The following CTNNA3 variants were observed in gnomAD, a reference collection of about 807,000 sequenced individuals.
CTNNA3 encodes the protein catenin alpha 3.
CTNNA3 carries 76 observed loss-of-function variants against 95.7 expected under a neutral mutation model. The ratio of observed to expected loss-of-function variants is 0.79; its 90% CI spans 0.66 to 0.96. CTNNA3 has a LOEUF of 0.96. CTNNA3 is among the 40% of genes least tolerant of loss of function. CTNNA3 has a pLI of 0.00. For missense variants in CTNNA3, 1,191 were observed against 1,089.8 expected (o/e 1.09, Z -1.31); for synonymous variants, 431 against 374.4 (o/e 1.15, Z -1.74).
intron 1 of CTNNA3, among the ~76,000 whole-genome samples, chr10:67,724,722 G>A (rs1300923797): frequency 6.6e-6 from 1 of 152,138 alleles, no homozygotes; most frequent in Non-Finnish European, 1.5e-5. Flanking sequence ...CTATTTTTTA[G>A]AAGTACCTAG....
Position 67,329,152 on chromosome 10 carries a change from G to A in CTNNA3, c.580-109282C>T, listed in dbSNP as rs541948980. 2.0e-3 allele frequency among the ~76,000 whole-genome samples: 307 copies of A among 152,222 alleles called. 4 individuals are homozygous for A. Among genetic ancestry groups the A allele is most frequent in the African/African-American group, 1.2e-3 (51 of 41,542 alleles). On this transcript the variant is annotated intron_variant, in intron 5 of 17. Transcript: ENST00000433211. ...TTTGGGAGACCAAGGTGGGTGGACCGCTTGAGCTCAGGAGTTCAAGACCAG... is the reference window on the plus strand; with the variant it reads ...TTTGGGAGACCAAGGTGGGTGGACCACTTGAGCTCAGGAGTTCAAGACCAG...
chr10:67,012,118 G>GTCTA (rs1852376439), intron 7 of CTNNA3, among the ~76,000 whole-genome samples: 1 of 152,208 alleles, frequency 6.6e-6, no homozygotes, highest in Non-Finnish European at 1.5e-5. Flanking sequence ...TGGCTCTGGA[G>GTCTA]TCTACATTCT....
intron 9 of CTNNA3, among the ~76,000 whole-genome samples, chr10:66,751,952 G>T (rs1384435009): frequency 6.6e-6 from 1 of 152,072 alleles, no homozygotes; most frequent in Non-Finnish European, 1.5e-5. Context: ...AATCAAAGGA[G>T]GCCTGAATAA....
At chr10:66,672,875 C>G (rs1367936246) in intron 9 of CTNNA3, among the ~76,000 whole-genome samples, 4 of 152,046 alleles carry the variant, frequency 2.6e-5, no homozygotes, top group Non-Finnish European at 2.9e-5. Context: ...GATCAGCCTT[C>G]TTTCATGCAG....
At chr10:66,858,719 G>A (rs1032407795) in intron 7 of CTNNA3, among the ~76,000 whole-genome samples, 1 of 151,852 alleles carries the variant, frequency 6.6e-6, no homozygotes, top group African/African-American at 2.4e-5. Flanking sequence ...GTACTTCTGT[G>A]GGGTCAGCGG....
intron 5 of CTNNA3, among the ~76,000 whole-genome samples, chr10:67,473,769 T>C (rs557005134): frequency 6.6e-6 from 1 of 152,224 alleles, no homozygotes; most frequent in Non-Finnish European, 1.5e-5. Context: ...ACTATTTACA[T>C]AGCATTTACA....
intron 9 of CTNNA3, among the ~76,000 whole-genome samples, chr10:66,751,251 G>A (rs141945922): frequency 2.6e-5 from 4 of 152,066 alleles, no homozygotes; most frequent in African/African-American, 4.8e-5. Context: ...CTGGGTGACA[G>A]AGTGAGACTA....
At chr10:67,393,092 G>T (rs1428341889) in intron 5 of CTNNA3, among the ~76,000 whole-genome samples, 1 of 151,640 alleles carries the variant, frequency 6.6e-6, no homozygotes, top group Non-Finnish European at 1.5e-5. Flanking sequence ...AAAATAAAAA[G>T]AATGTGGCCA....
intron 7 of CTNNA3, among the ~76,000 whole-genome samples, chr10:66,807,210 G>A (rs1358322978): frequency 1.3e-5 from 2 of 151,934 alleles, no homozygotes; most frequent in African/African-American, 4.8e-5. Context: ...TGTTGTACCT[G>A]GAGCTCCTGC....
At chr10:66,344,740 A>T (rs997663433) in intron 12 of CTNNA3, among the ~76,000 whole-genome samples, 1 of 152,114 alleles carries the variant, frequency 6.6e-6, no homozygotes, top group Non-Finnish European at 1.5e-5. Flanking sequence ...AGAAGGAAAC[A>T]TCCTTCAGAC....
At chr10:67,612,159 A>G (rs1033263524) in intron 2 of CTNNA3, among the ~76,000 whole-genome samples, 2 of 152,202 alleles carry the variant, frequency 1.3e-5, no homozygotes. Context: ...CACCCCCCCA[A>G]ACCAACTTCA....
intron 7 of CTNNA3, among the ~76,000 whole-genome samples, chr10:66,992,946 A>C (rs1302324129): frequency 6.6e-6 from 1 of 152,130 alleles, no homozygotes; most frequent in African/African-American, 2.4e-5. Context: ...TAATTGTTAT[A>C]GCTTTATAAG....
At chr10:66,627,336 G>A (rs1477834291) in intron 9 of CTNNA3, among the ~76,000 whole-genome samples, 1 of 151,924 alleles carries the variant, frequency 6.6e-6, no homozygotes, top group East Asian at 1.9e-4. Context: ...AAGGATCCTG[G>A]TCCTCCCCTA....
intron 13 of CTNNA3, among the ~76,000 whole-genome samples, chr10:66,121,582 G>A (rs895200363): frequency 6.6e-5 from 10 of 152,116 alleles, no homozygotes; most frequent in African/African-American, 2.4e-4. Context: ...AGGTGCAGTG[G>A]TTCATGCCTG....
chr10:67,230,032 G>T (rs1388116177), intron 5 of CTNNA3, among the ~76,000 whole-genome samples: 1 of 152,096 alleles, frequency 6.6e-6, no homozygotes, highest in Non-Finnish European at 1.5e-5. Context: ...TAAGCAAAAA[G>T]AACAAATCTG....
In CTNNA3 at chr10:66,705,213, G is replaced by A. The variant is rs139947562; in HGVS notation, c.1281+61051C>T. Among the ~76,000 whole-genome samples the A allele has an allele frequency of 2.1e-3, 323 of 151,984 alleles. 4 individuals carry two copies. In the East Asian group the frequency reaches 0.022, roughly 10 times the overall value. On this transcript the variant is annotated intron_variant, in intron 9 of 17. Coordinates refer to ENST00000433211, the MANE Select transcript of CTNNA3 (RefSeq NM_013266.4). ...TAACCTAGTATTCTTAGGATAAATC[G>A]TATTTCATTAGGATATGTTAAGCTT... is the stretch of plus-strand genomic sequence containing the variant.
chr10:67,413,043 G>A (rs899430951), intron 5 of CTNNA3, among the ~76,000 whole-genome samples: 3 of 152,078 alleles, frequency 2.0e-5, no homozygotes, highest in African/African-American at 7.2e-5. Context: ...AAAAGACACA[G>A]AGTGGCAGGC....
chr10:67,093,403 GGA>G (rs1408544172), intron 7 of CTNNA3, among the ~76,000 whole-genome samples: 2 of 151,772 alleles, frequency 1.3e-5, no homozygotes, highest in Non-Finnish European at 2.9e-5. Context: ...CCTAATCTCA[GGA>G]GAGACCATGT....
intron 13 of CTNNA3, among the ~76,000 whole-genome samples, chr10:66,139,713 C>G (rs1453909490): frequency 6.6e-6 from 1 of 152,080 alleles, no homozygotes; most frequent in Non-Finnish European, 1.5e-5. Flanking sequence ...TCATATTTTT[C>G]AAGTGAAGGA....
Sources: gnomAD v4.1 joint callset for allele counts (sites outside exome capture counted in the v4.1 genomes callset) on GRCh38, gnomAD v4.1.1 for gene constraint, MANE v1.5 for transcripts, NCBI Gene and HGNC (gene_info 2026-07-23, HGNC 2026-07-21) for gene names.